ARAP3: variants seen among roughly 807,000 people sequenced by gnomAD.
ARAP3 encodes the protein arf-GAP with Rho-GAP domain, ANK repeat and PH domain-containing protein 3.
In ARAP3, 82 loss-of-function variants were observed where a neutral mutation model predicts 169.2. The ratio of observed to expected loss-of-function variants is 0.48; its 90% CI spans 0.41 to 0.58. ARAP3 has a LOEUF of 0.58. Among genes scored for constraint, ARAP3 ranks in the 20% least tolerant of loss-of-function variants. ARAP3 has a pLI of 0.00. For missense variants in ARAP3, 1,764 were observed against 2,018.0 expected (o/e 0.87, Z 2.41); for synonymous variants, 791 against 800.3 (o/e 0.99, Z 0.20).
rs759823071 is a variant in ARAP3, at chr5:141,670,515, C to T, written c.2104G>A (p.Asp702Asn). 3 of 1,613,884 alleles carry T rather than the reference C, an allele frequency of 1.9e-6. No homozygotes were observed. Among genetic ancestry groups the T allele is most frequent in the South Asian group, 2.2e-5 (2 of 91,064 alleles). ...AGPSPPRRGR[D>N]APPRLWCVLG... ...CCATCCCTTGGCTCCCCCTCACCAT[C>T]CCGGCCCCTGCGAGGGGGTGAGGGT... is the stretch of plus-strand genomic sequence containing the variant. The change falls in exon 14 of 33, where the codon GAT (aspartate) becomes AAT (asparagine). Residue 702 changes from aspartate (D) to asparagine (N), a missense_variant. Transcript: ENST00000239440.
In ARAP3 at chr5:141,671,864, C is replaced by G; in HGVS notation, c.1671+31G>C. ...CTGCTTCTGGACGCTCCCTTCTACG[C>G]CTCCCACCTTCTCCCTCTTCGCCCG... On this transcript the variant is annotated intron_variant, in intron 11 of 32. Coordinates refer to ENST00000239440, the MANE Select transcript of ARAP3 (RefSeq NM_022481.6). The surrounding 1 kb of genome is among the most constrained non-coding windows in gnomAD (Gnocchi z 4.9). 1 of 1,614,086 alleles carries G rather than the reference C, an allele frequency of 6.2e-7. No homozygotes were observed. The highest frequency in any genetic ancestry group is 8.5e-7 in the Non-Finnish European group (1 of 1,179,970).
rs2099911579 is a variant in ARAP3, at chr5:141,672,468, T to G, written c.1385+84A>C. On this transcript the variant is annotated intron_variant, in intron 9 of 32. Transcript: ENST00000239440. This position sits in a 1 kb window ranked among gnomAD's most constrained non-coding sequence, Gnocchi z 4.9. ...CATCTGTGCATACCCTCTGACGTCCTACTAAAGAGGCCTCTAGTCCTCTGC... is the reference window on the plus strand; with the variant it reads ...CATCTGTGCATACCCTCTGACGTCCGACTAAAGAGGCCTCTAGTCCTCTGC... The G allele has an allele frequency of 6.6e-7, 1 of 1,518,130 alleles. No individual in the cohort carries two copies. Among genetic ancestry groups the G allele is most frequent in the East Asian group, 2.4e-5 (1 of 42,314 alleles). The allele number at this position is 1,518,130 out of a possible 1,614,324, so 94.0% of individuals were successfully genotyped here.
intron 17 of ARAP3, among the ~76,000 whole-genome samples, chr5:141,666,052 A>ATAAT (rs1554224247): frequency 2.2e-3 from 311 of 140,868 alleles, no homozygotes; most frequent in African/African-American, 7.5e-3. Context: ...AAAAAAAAAA[A>ATAAT]AATAATAATA....
Position 141,672,601 on chromosome 5 carries a change from C to T in ARAP3, c.1336G>A (p.Glu446Lys). 1 of 1,614,076 alleles carries T rather than the reference C, an allele frequency of 6.2e-7. No individual in the cohort carries two copies. The change falls in exon 9 of 33, where the codon GAG becomes AAG. Residue 446 changes from glutamate to lysine, a missense_variant. Glu to Lys is a moderately conservative substitution (Grantham distance 56, BLOSUM62 1). Transcript: ENST00000239440. This position sits in a 1 kb window ranked among gnomAD's most constrained non-coding sequence, Gnocchi z 4.9. ...FIELQGCSVR[E>K]TKSRSFDLLT... ...AGGTCAAAGCTTCGACTCTTGGTCT[C>T]CCGGACGCTGCAGCCCTGCAGTTCG...
intron 21 of ARAP3, among the ~76,000 whole-genome samples, chr5:141,661,067 CTTT>C (rs562593165): frequency 7.5e-6 from 1 of 132,744 alleles, no homozygotes; most frequent in Non-Finnish European, 1.6e-5. Flanking sequence ...TTTCTTTTTT[CTTT>C]TTTTTTTTTT....
At chr5:141,661,864 T>C in intron 20 of ARAP3, 75 bp from the exon 21 acceptor site, 2 of 1,549,310 alleles carry the variant, frequency 1.3e-6, no homozygotes, top group Non-Finnish European at 1.8e-6. Context: ...GGAGGGATTT[T>C]TAGGCACAAA....
chr5:141,665,416 CATTATAGAG>C, intron 17 of ARAP3, 42 bp from the exon 18 acceptor site: 1 of 1,593,272 alleles, frequency 6.3e-7, no homozygotes, highest in Non-Finnish European at 8.6e-7. Flanking sequence ...TTATCGTCTT[CATTATAGAG>C]ACTATTATTT....
chr5:141,672,453 T>C lies in ARAP3; in HGVS notation c.1385+99A>G. ...AGCTCACTGGACTACCATCTGTGCA[T>C]ACCCTCTGACGTCCTACTAAAGAGG... On this transcript the variant is annotated intron_variant, in intron 9 of 32. Transcript: ENST00000239440. This position sits in a 1 kb window ranked among gnomAD's most constrained non-coding sequence, Gnocchi z 4.9. 6.7e-7 allele frequency: 1 copy of C among 1,489,484 alleles called. No homozygotes were observed. The highest frequency in any genetic ancestry group is 9.2e-7 in the Non-Finnish European group (1 of 1,092,274). 92.3% of individuals were successfully genotyped at this position (1,489,484 alleles called of 1,614,324 possible).
At chr5:141,667,374 G>GT (rs1324892339) in intron 16 of ARAP3, among the ~76,000 whole-genome samples, 1 of 151,470 alleles carries the variant, frequency 6.6e-6, no homozygotes, top group African/African-American at 2.4e-5. Context: ...AAGGACCAGG[G>GT]TTTTTTCCTT....
Position 141,679,898 on chromosome 5 carries a change from G to A in ARAP3, c.524+65C>T, listed in dbSNP as rs571987121. 4.6e-5 allele frequency: 74 copies of A among 1,610,976 alleles called. 1 individual carries two copies. Among genetic ancestry groups the A allele is most frequent in the South Asian group, 1.5e-4 (14 of 90,856 alleles). On this transcript the variant is annotated intron_variant, in intron 2 of 32. Transcript: ENST00000239440. Reference sequence around the variant, plus strand: ...CCTTCATGCCCTGCTCCCCGCCTCCGTCCCCCTCATGCTCTCCTCCCCACT... The same window carrying A: ...CCTTCATGCCCTGCTCCCCGCCTCCATCCCCCTCATGCTCTCCTCCCCACT...
intron 14 of ARAP3, 138 bp from the exon 15 acceptor site, chr5:141,670,201 G>T: frequency 8.0e-7 from 1 of 1,244,934 alleles, no homozygotes; most frequent in Non-Finnish European, 1.1e-6. Flanking sequence ...ACCCTATGAG[G>T]TGTTATACTC....
chr5:141,666,673 G>A, intron 16 of ARAP3, 30 bp from the exon 17 acceptor site: 2 of 1,210,864 alleles, frequency 1.7e-6, no homozygotes, highest in Non-Finnish European at 2.2e-6. Flanking sequence ...ACAGGAGAAA[G>A]GGGGATGGGG....
At chr5:141,668,121 C>CT (rs1190101171) in intron 16 of ARAP3, among the ~76,000 whole-genome samples, 18 of 147,820 alleles carry the variant, frequency 1.2e-4, no homozygotes, top group East Asian at 1.2e-3. Flanking sequence ...ACCCGACCCG[C>CT]TTTTTTTTTT....
Position 141,665,367 on chromosome 5 carries a change from A to G in ARAP3, c.2580T>C (p.Val860=). The stretch of plus-strand genomic sequence containing the variant: ...TCTTATCTGGGGTGTCAGCTGCAGA[A>G]ACCACACCTGGGAGGAGAATCAGTG... ...HLRRLQEISV[V]SAADTPDKKE... Residue 860 remains valine (V), a synonymous_variant, in exon 18 of 33, where the codon GTT becomes GTC. Coordinates refer to ENST00000239440, the MANE Select transcript of ARAP3 (RefSeq NM_022481.6). The G allele has an allele frequency of 6.2e-7, 1 of 1,614,200 alleles. No homozygotes were observed.
At position 141,662,024 on chromosome 5, in the gene ARAP3, T is replaced by G; in HGVS notation, c.3013+19A>C. ...AGAGATCCTGGTTGGGCCTTGGCTCTCAGGGATCTTAGGAATACCAGCAGC... is the reference window on the plus strand; with the variant it reads ...AGAGATCCTGGTTGGGCCTTGGCTCGCAGGGATCTTAGGAATACCAGCAGC... On this transcript the variant is annotated intron_variant, in intron 20 of 32. Coordinates refer to ENST00000239440, the MANE Select transcript of ARAP3 (RefSeq NM_022481.6). 6.2e-7 allele frequency: 1 copy of G among 1,613,872 alleles called. No homozygotes were observed. The highest frequency in any genetic ancestry group is 1.1e-5 in the South Asian group (1 of 91,066).
At position 141,672,748 on chromosome 5, in the gene ARAP3, C is replaced by G. The variant is rs1478204049; in HGVS notation, c.1271G>C (p.Ser424Thr). 6 of 1,613,942 alleles carry G rather than the reference C, an allele frequency of 3.7e-6. No individual in the cohort carries two copies. The highest frequency in any genetic ancestry group is 2.2e-5 in the East Asian group (1 of 44,876). ...LSPGELALYK[S>T]EQAFSLGIGI... ...TGGCCCGGCTCTCCTCACCTGCTCA[C>G]TCTTGTACAGTGCCAGCTCTCCAGG... Residue 424 changes from serine (S) to threonine (T), a missense_variant, in exon 8 of 33, where the codon AGT becomes ACT. By Grantham distance (58) the Ser-to-Thr change is moderately conservative. This residue lies in a region of ARAP3 where 630 missense variants were observed against 678.7 expected (regional missense o/e 0.93). Transcript: ENST00000239440. This position sits in a 1 kb window ranked among gnomAD's most constrained non-coding sequence, Gnocchi z 4.9.
chr5:141,680,550 C>T lies in ARAP3; in HGVS notation c.-17-47G>A. On this transcript the variant is annotated intron_variant, in intron 1 of 32. Transcript: ENST00000239440. ...AGGGAGGGCTCAGGCTGAGAATCCC[C>T]CTCTCTGCCCCAGAGTCTGAGGCCT... 3.3e-6 allele frequency: 5 copies of T among 1,513,580 alleles called. No homozygotes were observed. In the South Asian group the frequency reaches 5.1e-5, roughly 15 times the overall value. 93.8% of individuals were successfully genotyped at this position (1,513,580 alleles called of 1,614,324 possible). A position where few individuals can be genotyped will look rare whatever the true frequency, so the allele number is the denominator to read the frequency against.
chr5:141,658,265 C>T (rs2099909495), intron 25 of ARAP3, 100 bp downstream of exon 25: 1 of 1,163,272 alleles, frequency 8.6e-7, no homozygotes, highest in Non-Finnish European at 1.2e-6. Flanking sequence ...CCATGAGTTA[C>T]CATTCATATT....
intron 4 of ARAP3, among the ~76,000 whole-genome samples, chr5:141,678,009 A>G (rs2154599255): frequency 6.7e-6 from 1 of 150,022 alleles, no homozygotes; most frequent in East Asian, 2.0e-4. Context: ...GTGCAGCGGC[A>G]CAACCTTTGC....
Sources: gnomAD v4.1 joint callset for allele counts (sites outside exome capture counted in the v4.1 genomes callset) on GRCh38, gnomAD v4.1.1 for gene constraint, gnomAD v4.1.1 regional missense constraint, Gnocchi (gnomAD v3.1) non-coding constraint, MANE v1.5 for transcripts, NCBI Gene and HGNC (gene_info 2026-07-23, HGNC 2026-07-21) for gene names.